The following DNAH11 variants were observed in gnomAD, a reference collection of about 807,000 sequenced individuals.
DNAH11 encodes the protein dynein axonemal heavy chain 11.
In DNAH11, 442 loss-of-function variants were observed where a neutral mutation model predicts 526.0. That is an observed-to-expected ratio of 0.84 (90% confidence interval 0.78 to 0.91). The LOEUF (loss-of-function observed/expected upper bound fraction) is 0.91, where lower values mean the gene tolerates loss of function less well. Among genes scored for constraint, DNAH11 ranks in the 40% least tolerant of loss-of-function variants. The pLI, the probability that DNAH11 is intolerant of heterozygous loss-of-function variation, is 0.00. For missense variants in DNAH11, 6,989 were observed against 5,448.7 expected, an observed-to-expected ratio of 1.28 and a Z score of -8.90; for synonymous variants, 2,461 against 1,935.9, an observed-to-expected ratio of 1.27 and a Z score of -7.12.
intron 79 of DNAH11, among the ~76,000 whole-genome samples, chr7:21,895,807 G>C (rs541370776): frequency 6.6e-6 from 1 of 152,262 alleles, no homozygotes; most frequent in South Asian, 2.1e-4. Context: ...TCGGCTCACT[G>C]CAAGCTCTGC....
intron 76 of DNAH11, among the ~76,000 whole-genome samples, chr7:21,886,657 G>A (rs1233192933): frequency 5.2e-5 from 1 of 19,390 alleles, no homozygotes; most frequent in Non-Finnish European, 3.5e-4. Context: ...AGGGGCCCGC[G>A]AGGAGCTCCC....
rs1468026077 is a variant in DNAH11 at position 21,787,547 on chromosome 7, G to C, written c.9888G>C (p.Leu3296=). 3 of 1,611,972 alleles carry C rather than the reference G, an allele frequency of 1.9e-6. No individual in the cohort carries two copies. Among genetic ancestry groups the C allele is most frequent in the Non-Finnish European group, 2.5e-6 (3 of 1,179,282 alleles). Residue 3296 remains leucine, a synonymous_variant, in exon 60 of 82, where the codon CTG becomes CTC. Coordinates refer to ENST00000409508, the MANE Select transcript of DNAH11 (RefSeq NM_001277115.2). ...CCAAATCTTTTGCAGCAGCTGGCCTGTGTGCCTGGGTCATCAACATCATTA... is the reference window on the plus strand; with the variant it reads ...CCAAATCTTTTGCAGCAGCTGGCCTCTGTGCCTGGGTCATCAACATCATTA... ...IRTKSFAAAG[L]CAWVINIIKF... is the part of the protein sequence containing the mutation.
At chr7:21,604,599 T>A (rs1233416047) in intron 18 of DNAH11, among the ~76,000 whole-genome samples, 1 of 152,174 alleles carries the variant, frequency 6.6e-6, no homozygotes, top group Non-Finnish European at 1.5e-5. Context: ...GAGCCTCAGT[T>A]TCAGTGTCAC....
intron 14 of DNAH11, among the ~76,000 whole-genome samples, chr7:21,592,228 A>G (rs1784714257): frequency 6.6e-6 from 1 of 152,222 alleles, no homozygotes; most frequent in Non-Finnish European, 1.5e-5. Flanking sequence ...TTGTAATAGG[A>G]GCAATGATGA....
intron 77 of DNAH11, 75 bp downstream of exon 77, chr7:21,892,742 G>A: frequency 6.9e-7 from 1 of 1,447,996 alleles, no homozygotes; most frequent in South Asian, 1.4e-5. Context: ...AATCTTAATT[G>A]TGCAAATCAA....
intron 77 of DNAH11, 49 bp from the exon 78 acceptor site, chr7:21,894,574 A>G: frequency 6.3e-7 from 1 of 1,582,722 alleles, no homozygotes; most frequent in South Asian, 1.1e-5. Flanking sequence ...AGTCACCATG[A>G]CGAAAACTGA....
At position 21,901,219 on chromosome 7, in the gene DNAH11, G is replaced by C; in HGVS notation, c.13516G>C (p.Val4506Leu). 6.2e-7 allele frequency: 1 copy of C among 1,613,792 alleles called. No homozygotes were observed. Among genetic ancestry groups the C allele is most frequent in the Non-Finnish European group, 8.5e-7 (1 of 1,179,782 alleles). ...GAGCGAAGAGAAGACTGCAAAATGGGTTCTGGCTGGAGTGGCTCTGCTTCT... is the reference window on the plus strand; with the variant it reads ...GAGCGAAGAGAAGACTGCAAAATGGCTTCTGGCTGGAGTGGCTCTGCTTCT... ...LKSEEKTAKW[V>L]LAGVALLLEA Residue 4506 changes from valine (V) to leucine (L), a missense_variant, in exon 82 of 82, where the codon GTT becomes CTT. Transcript: ENST00000409508.
At chr7:21,787,094 G>A (rs1788225456) in intron 59 of DNAH11, among the ~76,000 whole-genome samples, 1 of 152,150 alleles carries the variant, frequency 6.6e-6, no homozygotes, top group African/African-American at 2.4e-5. Context: ...TGTATAGGAA[G>A]GTGAAGCACA....
intron 57 of DNAH11, among the ~76,000 whole-genome samples, chr7:21,780,444 T>C (rs764279360): frequency 1.3e-5 from 2 of 152,184 alleles, no homozygotes; most frequent in Non-Finnish European, 2.9e-5. Context: ...TCACACATGA[T>C]ACAGTCACCG....
chr7:21,835,406 T>C (rs796614468), intron 65 of DNAH11, among the ~76,000 whole-genome samples: 9 of 152,248 alleles, frequency 5.9e-5, no homozygotes, highest in African/African-American at 2.2e-4. Context: ...ATTAAAAAGA[T>C]CATTCACTAT....
intron 55 of DNAH11, among the ~76,000 whole-genome samples, chr7:21,769,047 AAGAT>A (rs1787305684): frequency 1.3e-5 from 2 of 150,810 alleles, no homozygotes; most frequent in South Asian, 2.1e-4. Context: ...AAAAAGTAGA[AAGAT>A]AACCTTATGC....
At chr7:21,739,970 A>G (rs1785803551) in intron 48 of DNAH11, among the ~76,000 whole-genome samples, 1 of 152,182 alleles carries the variant, frequency 6.6e-6, no homozygotes, top group Non-Finnish European at 1.5e-5. Context: ...CATTAGTTAC[A>G]ATGATCAGCC....
chr7:21,674,588 GC>G lies in DNAH11; in HGVS notation c.5329-6956del, dbSNP rs1225952022. Among the ~76,000 whole-genome samples, 3 of 152,074 alleles carry G rather than the reference GC, an allele frequency of 2.0e-5. No individual in the cohort carries two copies. In the East Asian group the frequency reaches 5.8e-4, roughly 29 times the overall value. ...ATGTTGACCAGGCCTGTAACTCCTA[GC>G]CTCAAGTGATCCATCTGCCTCGGCC... is the stretch of plus-strand genomic sequence containing the variant. On this transcript the variant is annotated intron_variant, in intron 30 of 81. Coordinates refer to ENST00000409508, the MANE Select transcript of DNAH11 (RefSeq NM_001277115.2).
intron 72 of DNAH11, 72 bp downstream of exon 72, chr7:21,868,079 T>A: frequency 8.1e-7 from 1 of 1,234,024 alleles, no homozygotes; most frequent in African/African-American, 1.6e-5. Context: ...CTGCCCTTCT[T>A]TTCAGTTCAC....
At chr7:21,670,991 C>G (rs1416408823) in intron 30 of DNAH11, among the ~76,000 whole-genome samples, 1 of 151,784 alleles carries the variant, frequency 6.6e-6, no homozygotes, top group Non-Finnish European at 1.5e-5. Flanking sequence ...TCTATGATAT[C>G]TTTGCCAGAT....
intron 30 of DNAH11, among the ~76,000 whole-genome samples, chr7:21,675,293 C>T (rs543333038): frequency 7.9e-5 from 12 of 152,298 alleles, no homozygotes; most frequent in African/African-American, 2.4e-4. Flanking sequence ...CATGGGTGAC[C>T]TCTTTCAGTT....
At chr7:21,865,357 T>C (rs1166523518) in intron 70 of DNAH11, among the ~76,000 whole-genome samples, 3 of 152,212 alleles carry the variant, frequency 2.0e-5, no homozygotes, top group Admixed American at 6.5e-5. Context: ...AGATTGTAAC[T>C]TTAGAATTCA....
chr7:21,547,380 A>T (rs1782844390), intron 2 of DNAH11, among the ~76,000 whole-genome samples: 1 of 152,216 alleles, frequency 6.6e-6, no homozygotes, highest in African/African-American at 2.4e-5. Context: ...AGTACAGCAG[A>T]AGCAAGACTT....
chr7:21,790,418 C>G (rs1489829157), intron 61 of DNAH11, among the ~76,000 whole-genome samples: 1 of 152,084 alleles, frequency 6.6e-6, no homozygotes, highest in African/African-American at 2.4e-5. Flanking sequence ...CCACTGCACT[C>G]CAGCCTGGGC....
Sources: allele counts gnomAD v4.1 joint callset (sites outside exome capture counted in the v4.1 genomes callset), GRCh38; gene constraint gnomAD v4.1.1; transcripts MANE v1.5; gene names NCBI Gene and HGNC (gene_info 2026-07-23, HGNC 2026-07-21).